The following LCLAT1 variants were observed in gnomAD, a reference collection of about 807,000 sequenced individuals.
The protein encoded by LCLAT1 is 1-AGP acyltransferase 8.
Under a neutral mutation model 30.7 loss-of-function variants are expected in LCLAT1, and 11 were observed. The ratio of observed to expected loss-of-function variants is 0.36; its 90% CI spans 0.23 to 0.59. The LOEUF (loss-of-function observed/expected upper bound fraction) is 0.59, where lower values mean the gene tolerates loss of function less well. LCLAT1 is among the 20% of genes least tolerant of loss of function. LCLAT1 has a pLI of 0.77. For synonymous variants in LCLAT1, 155 were observed against 151.3 expected, an observed-to-expected ratio of 1.02 and a Z score of -0.18; for missense variants, 402 against 458.6, an observed-to-expected ratio of 0.88 and a Z score of 1.13.
Position 30,643,015 on chromosome 2 carries a change from T to C in LCLAT1, c.*2396T>C, listed in dbSNP as rs1337589166. On this transcript the variant is annotated 3_prime_UTR_variant, in exon 6 of 6. Coordinates refer to ENST00000379509, the MANE Select transcript of LCLAT1 (RefSeq NM_001002257.3). Reference sequence around the variant, plus strand: ...ACTATACAGTTAATGGTTTAGAACTTAGAACTACTTAGAATTAATGCTAAA... The same window carrying C: ...ACTATACAGTTAATGGTTTAGAACTCAGAACTACTTAGAATTAATGCTAAA... 2.9e-5 allele frequency: 1 copy of C among 34,426 alleles called. No individual in the cohort carries two copies. The highest frequency in any genetic ancestry group is 1.8e-4 in the African/African-American group (1 of 5,614). 2.1% of individuals were successfully genotyped at this position (34,426 alleles called of 1,614,324 possible). A position where few individuals can be genotyped will look rare whatever the true frequency, so the allele number is the denominator to read the frequency against.
intron 4 of LCLAT1, among the ~76,000 whole-genome samples, chr2:30,564,811 A>G (rs1282082818): frequency 1.3e-5 from 2 of 152,184 alleles, no homozygotes; most frequent in Admixed American, 6.5e-5. Context: ...TCCTGAATCT[A>G]GCTTGCATGT....
chr2:30,587,751 A>G (rs1666509260), intron 5 of LCLAT1, among the ~76,000 whole-genome samples: 1 of 152,096 alleles, frequency 6.6e-6, no homozygotes, highest in South Asian at 2.1e-4. Flanking sequence ...TGAATAACTC[A>G]TTTGTTTATG....
intron 5 of LCLAT1, among the ~76,000 whole-genome samples, chr2:30,610,343 C>A (rs76983776): frequency 6.6e-6 from 1 of 152,070 alleles, no homozygotes; most frequent in Non-Finnish European, 1.5e-5. Flanking sequence ...GAAACAAATT[C>A]TTTTTGTGGA....
intron 1 of LCLAT1, among the ~76,000 whole-genome samples, chr2:30,521,927 T>A (rs569227750): frequency 3.4e-4 from 52 of 152,330 alleles, no homozygotes; most frequent in African/African-American, 1.3e-3. Flanking sequence ...GTCATATAAA[T>A]GAAATAATCC....
intron 4 of LCLAT1, 73 bp from the exon 5 acceptor site, chr2:30,567,987 T>C: frequency 1.4e-6 from 1 of 736,542 alleles, no homozygotes. Context: ...TCAAAAAAAA[T>C]TCTGCACTTC....
rs780265561 is a variant in LCLAT1 at position 30,641,391 on chromosome 2, T to C, written c.*772T>C. 4 of 152,246 alleles carry C rather than the reference T, an allele frequency of 2.6e-5. No individual in the cohort carries two copies. The highest frequency in any genetic ancestry group is 4.4e-5 in the Non-Finnish European group (3 of 68,030). The allele number at this position is 152,246 out of a possible 1,614,324, so 9.4% of individuals were successfully genotyped here. A position where few individuals can be genotyped will look rare whatever the true frequency, so the allele number is the denominator to read the frequency against. ...TTAGTGCTGGTTTTCTTACAACATT[T>C]TGGCAGGTGTAGCTTTTTCTGTTAA... On this transcript the variant is annotated 3_prime_UTR_variant, in exon 6 of 6. Transcript: ENST00000379509.
chr2:30,458,020 C>T (rs1026071659), intron 1 of LCLAT1, among the ~76,000 whole-genome samples: 68 of 151,502 alleles, frequency 4.5e-4, no homozygotes, highest in African/African-American at 1.6e-3. Flanking sequence ...ATTTTGCCTT[C>T]CTGAGACTTC....
chr2:30,607,897 G>C (rs1037064649), intron 5 of LCLAT1: 4 of 96,024 alleles, frequency 4.2e-5, no homozygotes, highest in African/African-American at 8.4e-5. Context: ...GTGTGTGTGT[G>C]TGTCTTAATT....
chr2:30,557,389 T>C (rs1380918854), intron 3 of LCLAT1, among the ~76,000 whole-genome samples: 1 of 151,296 alleles, frequency 6.6e-6, no homozygotes, highest in African/African-American at 2.4e-5. Flanking sequence ...ATGTAACAAA[T>C]TTTCAAGGAG....
At chr2:30,557,761 T>C (rs113169294) in intron 3 of LCLAT1, among the ~76,000 whole-genome samples, 79 of 152,270 alleles carry the variant, frequency 5.2e-4, no homozygotes, top group African/African-American at 1.1e-3. Context: ...TTATGACTGG[T>C]AGAGTAGGAT....
chr2:30,500,032 A>G (rs75547092), intron 1 of LCLAT1, among the ~76,000 whole-genome samples: 1,595 of 152,338 alleles, frequency 0.01, 23 homozygotes, highest in African/African-American at 0.036. Context: ...TGTACAAAAT[A>G]TACTTTTATA....
chr2:30,523,350 T>A (rs1336482503), intron 1 of LCLAT1, among the ~76,000 whole-genome samples: 1 of 151,766 alleles, frequency 6.6e-6, no homozygotes, highest in East Asian at 1.9e-4. Context: ...AAAACAAAGT[T>A]GAGGATAGGT....
intron 1 of LCLAT1, among the ~76,000 whole-genome samples, chr2:30,485,239 T>G (rs1337692135): frequency 6.6e-6 from 1 of 152,154 alleles, no homozygotes; most frequent in Non-Finnish European, 1.5e-5. Flanking sequence ...TGGTCCCCGC[T>G]TAGCTGAATA....
At chr2:30,523,901 T>A (rs1339022711) in intron 1 of LCLAT1, among the ~76,000 whole-genome samples, 2 of 152,072 alleles carry the variant, frequency 1.3e-5, no homozygotes. Flanking sequence ...TAGTAGTCAG[T>A]CTTGATTGTG....
chr2:30,575,356 A>G (rs1425384932), intron 5 of LCLAT1, among the ~76,000 whole-genome samples: 1 of 152,076 alleles, frequency 6.6e-6, no homozygotes, highest in Non-Finnish European at 1.5e-5. Context: ...ATACCATGCC[A>G]GGAATATTAT....
intron 1 of LCLAT1, among the ~76,000 whole-genome samples, chr2:30,516,090 CTAAAA>C (rs1346282325): frequency 1.3e-5 from 2 of 152,152 alleles, no homozygotes; most frequent in Non-Finnish European, 2.9e-5. Context: ...AGAGAGCTCA[CTAAAA>C]TACCCGTTAA....
intron 1 of LCLAT1, among the ~76,000 whole-genome samples, chr2:30,510,479 G>A (rs754904561): frequency 3.9e-5 from 6 of 152,156 alleles, no homozygotes; most frequent in Non-Finnish European, 7.4e-5. Context: ...TATGTAACCT[G>A]TTTTTTCCTT....
At chr2:30,501,561 G>A (rs915946333) in intron 1 of LCLAT1, among the ~76,000 whole-genome samples, 5 of 152,124 alleles carry the variant, frequency 3.3e-5, no homozygotes, top group Non-Finnish European at 7.4e-5. Context: ...TGTGGTCCCA[G>A]CTATTTGGGA....
At position 30,461,770 on chromosome 2, in the gene LCLAT1, C is replaced by CCT. The variant is rs760622200; in HGVS notation, c.-5+14387_-5+14388insCT. Among the ~76,000 whole-genome samples, 107 of 131,700 alleles carry CCT rather than the reference C, an allele frequency of 8.1e-4. 2 individuals carry two copies. Among genetic ancestry groups the CCT allele is most frequent in the East Asian group, 1.8e-3 (8 of 4,334 alleles). The allele number at this position is 131,700 out of a possible 152,430, so 86.4% of individuals were successfully genotyped here. A position where few individuals can be genotyped will look rare whatever the true frequency, so the allele number is the denominator to read the frequency against. On this transcript the variant is annotated intron_variant, in intron 1 of 5. Coordinates refer to ENST00000379509, the MANE Select transcript of LCLAT1 (RefSeq NM_001002257.3). Reference sequence around the variant, plus strand: ...TGTGGACCACTTTTTCTAAATTAAACTTTTTTTTTTTTTTTTTTGAGACGG... The same window carrying CCT: ...TGTGGACCACTTTTTCTAAATTAAACCTTTTTTTTTTTTTTTTTTTGAGACGG...
Sources: allele counts gnomAD v4.1 joint callset (sites outside exome capture counted in the v4.1 genomes callset), GRCh38; gene constraint gnomAD v4.1.1; transcripts MANE v1.5; gene names NCBI Gene and HGNC (gene_info 2026-07-23, HGNC 2026-07-21).